DGKI: variants seen among roughly 807,000 people sequenced by gnomAD.
The protein encoded by DGKI is diacylglycerol kinase iota.
In DGKI, 55 loss-of-function variants were observed where a neutral mutation model predicts 147.5. That is an observed-to-expected ratio of 0.37 (90% CI 0.30 to 0.47). DGKI has a LOEUF of 0.47. Ranked by LOEUF, DGKI falls within the 20% of genes least tolerant of loss-of-function variation. The pLI is 1.00. For synonymous variants in DGKI, 469 were observed against 477.1 expected, an observed-to-expected ratio of 0.98 and a Z score of 0.22; for missense variants, 1,007 against 1,323.8, an observed-to-expected ratio of 0.76 and a Z score of 3.71.
chr7:137,598,045 C>CTTTCTT, intron 11 of DGKI, 138 bp from the exon 12 acceptor site: 1 of 695,932 alleles, frequency 1.4e-6, no homozygotes, highest in South Asian at 1.7e-5. Context: ...ACAATGCTAT[C>CTTTCTT]ATAGGTCCCA....
chr7:137,606,752 T>G (rs1303096551), intron 10 of DGKI, among the ~76,000 whole-genome samples: 2 of 152,248 alleles, frequency 1.3e-5, no homozygotes, highest in Non-Finnish European at 2.9e-5. Flanking sequence ...CTTGAAGACG[T>G]GATTCCATAG....
At chr7:137,769,105 G>A (rs779058782) in intron 1 of DGKI, among the ~76,000 whole-genome samples, 1 of 152,148 alleles carries the variant, frequency 6.6e-6, no homozygotes, top group Non-Finnish European at 1.5e-5. Flanking sequence ...TAGGGATTTC[G>A]CATTCTGATT....
chr7:137,417,860 G>C (rs1243177597), intron 28 of DGKI, among the ~76,000 whole-genome samples: 1 of 152,194 alleles, frequency 6.6e-6, no homozygotes, highest in East Asian at 1.9e-4. Flanking sequence ...TGAGGATGCA[G>C]CAAGAGCTTT....
chr7:137,569,173 A>C (rs1304983998), intron 19 of DGKI, among the ~76,000 whole-genome samples: 3 of 152,160 alleles, frequency 2.0e-5, no homozygotes, highest in Non-Finnish European at 4.4e-5. Context: ...TTTACAGGCC[A>C]AATAAGGACA....
chr7:137,651,064 T>C (rs1822009996), intron 5 of DGKI, among the ~76,000 whole-genome samples: 1 of 152,244 alleles, frequency 6.6e-6, no homozygotes, highest in African/African-American at 2.4e-5. Flanking sequence ...CTAAGAGTTA[T>C]GGAAACCACT....
intron 28 of DGKI, among the ~76,000 whole-genome samples, chr7:137,414,054 G>C (rs1275279756): frequency 6.6e-6 from 1 of 152,126 alleles, no homozygotes; most frequent in Non-Finnish European, 1.5e-5. Context: ...TCCTATTTGA[G>C]TAGTCTCTCA....
At chr7:137,733,125 C>T (rs1794931054) in intron 1 of DGKI, among the ~76,000 whole-genome samples, 1 of 151,740 alleles carries the variant, frequency 6.6e-6, no homozygotes, top group Non-Finnish European at 1.5e-5. Flanking sequence ...ATTTTAATTG[C>T]TCTGTTCTGT....
intron 12 of DGKI, among the ~76,000 whole-genome samples, chr7:137,589,013 T>C (rs1036524351): frequency 1.3e-5 from 2 of 152,176 alleles, no homozygotes; most frequent in African/African-American, 4.8e-5. Flanking sequence ...CCTTAACTGC[T>C]AAGGTATAGG....
At chr7:137,701,486 G>A (rs956416991) in intron 1 of DGKI, among the ~76,000 whole-genome samples, 1 of 152,130 alleles carries the variant, frequency 6.6e-6, no homozygotes, top group Admixed American at 6.5e-5. Flanking sequence ...TCTACAGAAT[G>A]AGTAAGTTTG....
chr7:137,718,181 A>G (rs924041353), intron 1 of DGKI, among the ~76,000 whole-genome samples: 44 of 152,154 alleles, frequency 2.9e-4, no homozygotes, highest in Non-Finnish European at 2.4e-4. Context: ...CGGGGCATCC[A>G]CTTTGTCGGA....
At chr7:137,463,050 G>A (rs1464093070) in intron 27 of DGKI, among the ~76,000 whole-genome samples, 1 of 152,128 alleles carries the variant, frequency 6.6e-6, no homozygotes, top group Non-Finnish European at 1.5e-5. Flanking sequence ...ATTGGGTACA[G>A]CACACATGCA....
At chr7:137,720,971 G>A (rs540444635) in intron 1 of DGKI, among the ~76,000 whole-genome samples, 1 of 152,260 alleles carries the variant, frequency 6.6e-6, no homozygotes, top group Non-Finnish European at 1.5e-5. Flanking sequence ...GTTTACAAGT[G>A]TAAATATGTG....
Position 137,408,095 on chromosome 7 carries a change from T to C in DGKI, c.2800-100A>G, listed in dbSNP as rs1385369896. 1.9e-5 allele frequency: 27 copies of C among 1,429,924 alleles called. No individual in the cohort carries two copies. The Admixed American group carries it at 4.1e-4, about 22-fold the overall frequency. The allele number at this position is 1,429,924 out of a possible 1,614,324, so 88.6% of individuals were successfully genotyped here. A position where few individuals can be genotyped will look rare whatever the true frequency, so the allele number is the denominator to read the frequency against. On this transcript the variant is annotated intron_variant, in intron 29 of 32. Coordinates refer to ENST00000614521, the MANE Select transcript of DGKI (RefSeq NM_001321708.2). ...GAGAGTCATGTAGCAGACCACAATG[T>C]TTCCAGCCTTAGAGGACATAGAGAA...
chr7:137,496,605 C>CAG (rs140878022), intron 21 of DGKI, among the ~76,000 whole-genome samples: 3 of 151,752 alleles, frequency 2.0e-5, no homozygotes, highest in African/African-American at 7.3e-5. Context: ...AAAACAGACA[C>CAG]AGACAAATCA....
chr7:137,737,934 C>T (rs140836822), intron 1 of DGKI, among the ~76,000 whole-genome samples: 8 of 152,050 alleles, frequency 5.3e-5, no homozygotes, highest in African/African-American at 1.2e-4. Context: ...GATTAATCTG[C>T]GTGCCACAAG....
chr7:137,665,360 T>C (rs1172928497), intron 3 of DGKI, among the ~76,000 whole-genome samples: 1 of 152,148 alleles, frequency 6.6e-6, no homozygotes, highest in East Asian at 1.9e-4. Flanking sequence ...ATTTTGTCCT[T>C]AAGTATTTCA....
At chr7:137,637,668 AT>A (rs1044445970) in intron 6 of DGKI, among the ~76,000 whole-genome samples, 4 of 152,186 alleles carry the variant, frequency 2.6e-5, no homozygotes, top group African/African-American at 9.6e-5. Context: ...CAGAACCTTG[AT>A]TTTTGCTTCT....
chr7:137,706,412 T>C (rs1794024869), intron 1 of DGKI, among the ~76,000 whole-genome samples: 1 of 151,776 alleles, frequency 6.6e-6, no homozygotes, highest in African/African-American at 2.4e-5. Context: ...TTAGGTCTTA[T>C]ACCACAGTGT....
intron 23 of DGKI, among the ~76,000 whole-genome samples, chr7:137,474,007 C>T (rs1356752725): frequency 6.6e-6 from 1 of 152,144 alleles, no homozygotes; most frequent in Non-Finnish European, 1.5e-5. Flanking sequence ...AAATGCTTCC[C>T]TGAAATACAT....
Sources: gnomAD v4.1 joint callset for allele counts (sites outside exome capture counted in the v4.1 genomes callset) on GRCh38, gnomAD v4.1.1 for gene constraint, MANE v1.5 for transcripts, NCBI Gene and HGNC (gene_info 2026-07-23, HGNC 2026-07-21) for gene names.